AGPAT4: variants seen among roughly 807,000 people sequenced by gnomAD.
AGPAT4 encodes 1-acyl-sn-glycerol-3-phosphate acyltransferase delta.
AGPAT4 carries 15 observed loss-of-function variants against 48.0 expected under a neutral mutation model. That is an observed-to-expected ratio of 0.31 (90% confidence interval 0.21 to 0.48). The LOEUF (loss-of-function observed/expected upper bound fraction) is 0.48, where lower values mean the gene tolerates loss of function less well. AGPAT4 is among the 20% of genes least tolerant of loss of function. The probability of loss-of-function intolerance (pLI) is 0.99; values close to 1 mark genes in which losing one functional copy is unlikely to be tolerated. For synonymous variants in AGPAT4, 178 were observed against 198.7 expected, an observed-to-expected ratio of 0.90 and a Z score of 0.88; for missense variants, 314 against 482.5, an observed-to-expected ratio of 0.65 and a Z score of 3.27.
intron 2 of AGPAT4, among the ~76,000 whole-genome samples, chr6:161,181,122 C>T (rs71565794): frequency 0.16 from 24,182 of 152,038 alleles, 2,054 homozygotes; most frequent in Non-Finnish European, 0.19. Flanking sequence ...ACTACTAGCA[C>T]GGAATAAACA....
Position 161,219,946 on chromosome 6 carries a change from G to GCAGGCAGA in AGPAT4, c.178+12089_178+12090insTCTGCCTG, listed in dbSNP as rs1247603859. ...GGCAGGCAGGCAGGCAGGCAGGCAG[G>GCAGGCAGA]CAGACAGACAGACAGACAGACAGGC... On this transcript the variant is annotated intron_variant, in intron 2 of 8. Transcript: ENST00000320285. This position sits in a 1 kb window ranked among gnomAD's most constrained non-coding sequence, Gnocchi z 4.9. Among the ~76,000 whole-genome samples, 5,638 of 143,226 alleles carry GCAGGCAGA rather than the reference G, an allele frequency of 0.039. 166 individuals carry two copies. The highest frequency in any genetic ancestry group is 0.093 in the Middle Eastern group (26 of 280). 94.0% of individuals were successfully genotyped at this position (143,226 alleles called of 152,430 possible).
Position 161,178,223 on chromosome 6 carries a change from C to A in AGPAT4, c.179-11806G>T, listed in dbSNP as rs1046273454. ...GTCTGCAGAAGTTTCTGCTGCCCTG[C>A]CCCCAGAGGTGGAGTCTACAGAGGC... On this transcript the variant is annotated intron_variant, in intron 2 of 8. Transcript: ENST00000320285. This position sits in a 1 kb window ranked among gnomAD's most constrained non-coding sequence, Gnocchi z 5.1. Among the ~76,000 whole-genome samples, 20 of 151,972 alleles carry A rather than the reference C, an allele frequency of 1.3e-4. No homozygotes were observed. The highest frequency in any genetic ancestry group is 6.6e-4 in the Admixed American group (10 of 15,244).
chr6:161,192,139 ATAC>A (rs1780942921), intron 2 of AGPAT4, among the ~76,000 whole-genome samples: 4 of 64,970 alleles, frequency 6.2e-5, no homozygotes, highest in Middle Eastern at 0.015. Context: ...TTTAGAAGTT[ATAC>A]TTTTTTTTTT....
In AGPAT4 at chr6:161,226,811, G is replaced by C. The variant is rs989947948; in HGVS notation, c.178+5225C>G. Reference sequence around the variant, plus strand: ...TGCCGGGCAGGAGGGTCTGCAGGCAGAAGGAGTTTCCCCAGCCCAGCAATG... The same window carrying C: ...TGCCGGGCAGGAGGGTCTGCAGGCACAAGGAGTTTCCCCAGCCCAGCAATG... On this transcript the variant is annotated intron_variant, in intron 2 of 8. Transcript: ENST00000320285. This position sits in a 1 kb window ranked among gnomAD's most constrained non-coding sequence, Gnocchi z 6.3. Among the ~76,000 whole-genome samples, 3 of 152,174 alleles carry C rather than the reference G, an allele frequency of 2.0e-5. No individual in the cohort carries two copies. Among genetic ancestry groups the C allele is most frequent in the African/African-American group, 7.2e-5 (3 of 41,456 alleles).
rs1403703290 is a variant in AGPAT4 at position 161,133,230 on chromosome 6, T to C, written c.*3310A>G. On this transcript the variant is annotated 3_prime_UTR_variant, in exon 9 of 9. Transcript: ENST00000320285. ...CTCCTCCACTCCAGTGGGGCCTTTT[T>C]TGTGTCTTTCACATCACTGTTACAA... 1 of 152,242 alleles carries C rather than the reference T, an allele frequency of 6.6e-6. No individual in the cohort carries two copies. The highest frequency in any genetic ancestry group is 1.5e-5 in the Non-Finnish European group (1 of 68,050). The allele number at this position is 152,242 out of a possible 1,614,324, so 9.4% of individuals were successfully genotyped here.
chr6:161,253,436 A>T (rs1033889523), intron 1 of AGPAT4, among the ~76,000 whole-genome samples: 6 of 150,888 alleles, frequency 4.0e-5, no homozygotes, highest in African/African-American at 1.5e-4. Context: ...TTGTATTTTT[A>T]GTAGAGACGG....
rs1001479274 is a variant in AGPAT4, at chr6:161,245,926, C to T, written c.-89-13624G>A. On this transcript the variant is annotated intron_variant, in intron 1 of 8. Coordinates refer to ENST00000320285, the MANE Select transcript of AGPAT4 (RefSeq NM_020133.3). This position sits in a 1 kb window ranked among gnomAD's most constrained non-coding sequence, Gnocchi z 5.2. Reference sequence around the variant, plus strand: ...ATTAGAAAACAAATGCACTTAAATGCTTTTCTGACATGAATCATTTATTGA... The same window carrying T: ...ATTAGAAAACAAATGCACTTAAATGTTTTTCTGACATGAATCATTTATTGA... 1.3e-5 allele frequency among the ~76,000 whole-genome samples: 2 copies of T among 152,170 alleles called. No homozygotes were observed. Among genetic ancestry groups the T allele is most frequent in the Middle Eastern group, 3.2e-3 (1 of 316 alleles).
At position 161,180,440 on chromosome 6, in the gene AGPAT4, C is replaced by T. The variant is rs550074209; in HGVS notation, c.179-14023G>A. Among the ~76,000 whole-genome samples, 26 of 152,354 alleles carry T rather than the reference C, an allele frequency of 1.7e-4. No homozygotes were observed. The highest frequency in any genetic ancestry group is 1.3e-3 in the Admixed American group (20 of 15,302). Reference sequence around the variant, plus strand: ...ACACGCCAACAGTCAGAACCTCCCACAGCTGCAGATATGGGCACCATGTTA... The same window carrying T: ...ACACGCCAACAGTCAGAACCTCCCATAGCTGCAGATATGGGCACCATGTTA... On this transcript the variant is annotated intron_variant, in intron 2 of 8. Coordinates refer to ENST00000320285, the MANE Select transcript of AGPAT4 (RefSeq NM_020133.3). This position sits in a 1 kb window ranked among gnomAD's most constrained non-coding sequence, Gnocchi z 6.4.
rs762791479 is a variant in AGPAT4, at chr6:161,255,645, G to A, written c.-90+18293C>T. Among the ~76,000 whole-genome samples the A allele has an allele frequency of 5.3e-5, 8 of 151,970 alleles. No individual in the cohort carries two copies. In the East Asian group the frequency reaches 7.7e-4, roughly 15 times the overall value. On this transcript the variant is annotated intron_variant, in intron 1 of 8. Coordinates refer to ENST00000320285, the MANE Select transcript of AGPAT4 (RefSeq NM_020133.3). The surrounding 1 kb of genome is among the most constrained non-coding windows in gnomAD (Gnocchi z 4.7). ...CAAAACACCACATATGGTACGATTCGGTTTATATGAAAGGTTCGGACTAGG... is the reference window on the plus strand; with the variant it reads ...CAAAACACCACATATGGTACGATTCAGTTTATATGAAAGGTTCGGACTAGG...
In AGPAT4 at chr6:161,233,384, C is replaced by T. The variant is rs1045477219; in HGVS notation, c.-89-1082G>A. 6.6e-6 allele frequency among the ~76,000 whole-genome samples: 1 copy of T among 152,204 alleles called. No individual in the cohort carries two copies. The highest frequency in any genetic ancestry group is 2.4e-5 in the African/African-American group (1 of 41,442). On this transcript the variant is annotated intron_variant, in intron 1 of 8. Transcript: ENST00000320285. This position sits in a 1 kb window ranked among gnomAD's most constrained non-coding sequence, Gnocchi z 5.4. ...GGAAGCAGAAGAGCCTGGCAGACTA[C>T]CCCAGGAAGACGTCTAATGTTACGA... is the stretch of plus-strand genomic sequence containing the variant.
Position 161,245,227 on chromosome 6 carries a change from G to A in AGPAT4, c.-89-12925C>T, listed in dbSNP as rs1040557871. 6.6e-6 allele frequency among the ~76,000 whole-genome samples: 1 copy of A among 152,186 alleles called. No homozygotes were observed. Among genetic ancestry groups the A allele is most frequent in the Non-Finnish European group, 1.5e-5 (1 of 68,038 alleles). ...CTTGATCGTTGATCCTCATCCCTTT[G>A]GTCACGTCACCTCTGCCATGCTCAG... On this transcript the variant is annotated intron_variant, in intron 1 of 8. Coordinates refer to ENST00000320285, the MANE Select transcript of AGPAT4 (RefSeq NM_020133.3). The surrounding 1 kb of genome is among the most constrained non-coding windows in gnomAD (Gnocchi z 5.2).
intron 2 of AGPAT4, among the ~76,000 whole-genome samples, chr6:161,186,098 T>C (rs78771139): frequency 0.021 from 3,243 of 152,294 alleles, 44 homozygotes; most frequent in Non-Finnish European, 0.032. Flanking sequence ...TACTCTGGGC[T>C]GCAGAGCAGT....
At chr6:161,228,008 G>A (rs2115032992) in intron 2 of AGPAT4, among the ~76,000 whole-genome samples, 1 of 152,262 alleles carries the variant, frequency 6.6e-6, no homozygotes, top group Middle Eastern at 3.4e-3. Context: ...GTGTGTTGAA[G>A]TTACCTGTCC....
Position 161,242,169 on chromosome 6 carries a change from A to G in AGPAT4, c.-89-9867T>C, listed in dbSNP as rs1478824603. ...CTATGAAAGGTATTGCCATTCTCAC[A>G]TTATAGATGCGAAAACCGAGGTTTA... On this transcript the variant is annotated intron_variant, in intron 1 of 8. Transcript: ENST00000320285. This position sits in a 1 kb window ranked among gnomAD's most constrained non-coding sequence, Gnocchi z 5.0. 6.6e-6 allele frequency among the ~76,000 whole-genome samples: 1 copy of G among 152,262 alleles called. No homozygotes were observed. The highest frequency in any genetic ancestry group is 1.5e-5 in the Non-Finnish European group (1 of 68,046).
rs1033755594 is a variant in AGPAT4 at position 161,178,229 on chromosome 6, G to A, written c.179-11812C>T. 2.0e-5 allele frequency among the ~76,000 whole-genome samples: 3 copies of A among 152,218 alleles called. No homozygotes were observed. The highest frequency in any genetic ancestry group is 1.9e-4 in the East Asian group (1 of 5,186). On this transcript the variant is annotated intron_variant, in intron 2 of 8. Coordinates refer to ENST00000320285, the MANE Select transcript of AGPAT4 (RefSeq NM_020133.3). This position sits in a 1 kb window ranked among gnomAD's most constrained non-coding sequence, Gnocchi z 5.1. ...AGAAGTTTCTGCTGCCCTGCCCCCA[G>A]AGGTGGAGTCTACAGAGGCATGCAG... is the stretch of plus-strand genomic sequence containing the variant.
chr6:161,144,241 T>C lies in AGPAT4; in HGVS notation c.843+2283A>G, dbSNP rs564128291. 12 of 524,180 alleles carry C rather than the reference T, an allele frequency of 2.3e-5. No individual in the cohort carries two copies. Among genetic ancestry groups the C allele is most frequent in the African/African-American group, 2.1e-4 (11 of 51,784 alleles). 32.5% of individuals were successfully genotyped at this position (524,180 alleles called of 1,614,324 possible). A position where few individuals can be genotyped will look rare whatever the true frequency, so the allele number is the denominator to read the frequency against. The stretch of plus-strand genomic sequence containing the variant: ...AGGCCTGCTCACAGACACATACTGC[T>C]TAGAGAACTCGGTGTCGCCCCAGCC... On this transcript the variant is annotated intron_variant, in intron 7 of 8. Coordinates refer to ENST00000320285, the MANE Select transcript of AGPAT4 (RefSeq NM_020133.3). The surrounding 1 kb of genome is among the most constrained non-coding windows in gnomAD (Gnocchi z 6.6).
In AGPAT4 at chr6:161,254,002, T is replaced by C. The variant is rs1338983387; in HGVS notation, c.-90+19936A>G. 6.6e-6 allele frequency among the ~76,000 whole-genome samples: 1 copy of C among 152,224 alleles called. No individual in the cohort carries two copies. Among genetic ancestry groups the C allele is most frequent in the Non-Finnish European group, 1.5e-5 (1 of 68,038 alleles). ...TGCACACCTCTGATTTTACTATATA[T>C]TAACAAATTGCTTTTTAAAATGGTT... is the stretch of plus-strand genomic sequence containing the variant. On this transcript the variant is annotated intron_variant, in intron 1 of 8. Coordinates refer to ENST00000320285, the MANE Select transcript of AGPAT4 (RefSeq NM_020133.3). The surrounding 1 kb of genome is among the most constrained non-coding windows in gnomAD (Gnocchi z 5.9).
chr6:161,254,999 T>C lies in AGPAT4; in HGVS notation c.-90+18939A>G, dbSNP rs1782907547. Among the ~76,000 whole-genome samples, 1 of 152,136 alleles carries C rather than the reference T, an allele frequency of 6.6e-6. No homozygotes were observed. The highest frequency in any genetic ancestry group is 6.5e-5 in the Admixed American group (1 of 15,278). On this transcript the variant is annotated intron_variant, in intron 1 of 8. Coordinates refer to ENST00000320285, the MANE Select transcript of AGPAT4 (RefSeq NM_020133.3). The surrounding 1 kb of genome is among the most constrained non-coding windows in gnomAD (Gnocchi z 5.9). ...GAACACACCCGGCAAGCTGTTCTTA[T>C]CGTTCCGAGGCCATTGCAGAGCCAG...
rs1434913010 is a variant in AGPAT4, at chr6:161,225,060, C to T, written c.178+6976G>A. On this transcript the variant is annotated intron_variant, in intron 2 of 8. Coordinates refer to ENST00000320285, the MANE Select transcript of AGPAT4 (RefSeq NM_020133.3). This position sits in a 1 kb window ranked among gnomAD's most constrained non-coding sequence, Gnocchi z 5.0. ...CTACCTGCTCCACCCTGACTCATTC[C>T]GATTACCTGCTTCACCCTGACTCAT... Among the ~76,000 whole-genome samples the T allele has an allele frequency of 1.3e-5, 2 of 151,554 alleles. No homozygotes were observed. Among genetic ancestry groups the T allele is most frequent in the Non-Finnish European group, 2.9e-5 (2 of 67,934 alleles).
Sources: allele counts gnomAD v4.1 joint callset (sites outside exome capture counted in the v4.1 genomes callset), GRCh38; gene constraint gnomAD v4.1.1; non-coding constraint Gnocchi (gnomAD v3.1); transcripts MANE v1.5; gene names NCBI Gene and HGNC (gene_info 2026-07-23, HGNC 2026-07-21).